RORA: variants seen among roughly 807,000 people sequenced by gnomAD.
The protein encoded by RORA is nuclear receptor ROR-alpha.
In RORA, 7 loss-of-function variants were observed where a neutral mutation model predicts 69.5. That is an observed-to-expected ratio of 0.10 (90% CI 0.06 to 0.19). The LOEUF is 0.19. Ranked by LOEUF, RORA falls within the 10% of genes least tolerant of loss-of-function variation. RORA has a pLI of 1.00. For synonymous variants in RORA, 261 were observed against 240.8 expected, an observed-to-expected ratio of 1.08 and a Z score of -0.78; for missense variants, 457 against 663.0, an observed-to-expected ratio of 0.69 and a Z score of 3.41.
intron 1 of RORA, among the ~76,000 whole-genome samples, chr15:60,866,165 T>C (rs1173317038): frequency 6.6e-6 from 1 of 152,184 alleles, no homozygotes; most frequent in African/African-American, 2.4e-5. Context: ...TCTAACTGTA[T>C]TTTTGTACCC....
intron 1 of RORA, among the ~76,000 whole-genome samples, chr15:61,009,775 T>C (rs1178670991): frequency 6.6e-6 from 1 of 152,198 alleles, no homozygotes; most frequent in Non-Finnish European, 1.5e-5. Context: ...CCTGGGCAAT[T>C]GACACATAAA....
rs537312295 is a variant in RORA, at chr15:60,557,963, G to C, written c.197-26112C>G. The C allele has an allele frequency of 3.6e-4, 104 of 288,294 alleles. 3 individuals are homozygous for C. In the South Asian group the frequency reaches 8.6e-3, roughly 24 times the overall value. The allele number at this position is 288,294 out of a possible 1,614,324, so 17.9% of individuals were successfully genotyped here. A position where few individuals can be genotyped will look rare whatever the true frequency, so the allele number is the denominator to read the frequency against. ...AATTTTGAATCGAATTTACTTTCTT[G>C]ATGATAAACAGTCATCAGAAATTTT... On this transcript the variant is annotated intron_variant, in intron 2 of 10. Coordinates refer to ENST00000335670, the MANE Select transcript of RORA (RefSeq NM_134261.3).
At chr15:60,792,965 C>A (rs767466562) in intron 1 of RORA, among the ~76,000 whole-genome samples, 2 of 151,926 alleles carry the variant, frequency 1.3e-5, no homozygotes, top group Non-Finnish European at 2.9e-5. Flanking sequence ...CACAAAACCC[C>A]TAAATTCTAC....
intron 1 of RORA, among the ~76,000 whole-genome samples, chr15:60,881,903 A>G (rs960797361): frequency 1.2e-4 from 19 of 152,262 alleles, no homozygotes; most frequent in African/African-American, 2.7e-4. Context: ...AACCCATTCA[A>G]TAATTCATCA....
intron 1 of RORA, among the ~76,000 whole-genome samples, chr15:60,906,661 A>G (rs1378669749): frequency 6.6e-6 from 1 of 152,234 alleles, no homozygotes; most frequent in African/African-American, 2.4e-5. Flanking sequence ...AAGGAATTTT[A>G]GGAAGCCAAT....
intron 1 of RORA, among the ~76,000 whole-genome samples, chr15:61,029,047 G>A (rs1373643264): frequency 6.6e-6 from 1 of 151,982 alleles, no homozygotes; most frequent in Non-Finnish European, 1.5e-5. Context: ...AGTACTGATG[G>A]TCTGAAGTAA....
rs142568347 is a variant in RORA, at chr15:60,933,374, C to T, written c.167-254688G>A. ...TACTGTGCATTTCCCATTCCCTGTGCCCTTGCAGTGCCCTTTTCTTGAGAT... is the reference window on the plus strand; with the variant it reads ...TACTGTGCATTTCCCATTCCCTGTGTCCTTGCAGTGCCCTTTTCTTGAGAT... On this transcript the variant is annotated intron_variant, in intron 1 of 10. Transcript: ENST00000335670. 2.6e-4 allele frequency among the ~76,000 whole-genome samples: 40 copies of T among 152,338 alleles called. No individual in the cohort carries two copies. The East Asian group carries it at 6.0e-3, about 23-fold the overall frequency.
chr15:60,833,938 C>A (rs1433574329), intron 1 of RORA, among the ~76,000 whole-genome samples: 2 of 152,148 alleles, frequency 1.3e-5, no homozygotes, highest in Non-Finnish European at 2.9e-5. Flanking sequence ...GTTGTGAGAA[C>A]TGGACACTAT....
At chr15:60,521,746 T>G (rs1335736472) in intron 3 of RORA, among the ~76,000 whole-genome samples, 1 of 152,226 alleles carries the variant, frequency 6.6e-6, no homozygotes, top group East Asian at 1.9e-4. Flanking sequence ...CTTACTTATA[T>G]GTATCTTCTT....
chr15:60,627,661 A>T, intron 2 of RORA: 3 of 409,652 alleles, frequency 7.3e-6, no homozygotes, highest in Non-Finnish European at 9.9e-6. Context: ...AATACCAAAT[A>T]GTTTGAAAAA....
At chr15:60,670,494 G>A (rs964240047) in intron 2 of RORA, among the ~76,000 whole-genome samples, 1 of 152,128 alleles carries the variant, frequency 6.6e-6, no homozygotes, top group South Asian at 2.1e-4. Context: ...ACAAGCGTGA[G>A]CCACCATGCC....
At chr15:60,620,410 A>T (rs911331479) in intron 2 of RORA, among the ~76,000 whole-genome samples, 5 of 152,244 alleles carry the variant, frequency 3.3e-5, no homozygotes, top group African/African-American at 1.2e-4. Context: ...CATGAGGATC[A>T]AATGAGTTCT....
At chr15:61,153,177 G>A (rs537779585) in intron 1 of RORA, among the ~76,000 whole-genome samples, 6 of 152,294 alleles carry the variant, frequency 3.9e-5, no homozygotes, top group South Asian at 4.1e-4. Context: ...AGAGGATTCC[G>A]GAAAGGCAGG....
intron 1 of RORA, among the ~76,000 whole-genome samples, chr15:61,064,068 G>C (rs894387725): frequency 6.6e-6 from 1 of 152,194 alleles, no homozygotes; most frequent in African/African-American, 2.4e-5. Context: ...AGTCAACCTC[G>C]AGGGCAGCTG....
intron 1 of RORA, among the ~76,000 whole-genome samples, chr15:60,977,361 A>C (rs1381615374): frequency 3.3e-5 from 5 of 152,190 alleles, no homozygotes; most frequent in Non-Finnish European, 7.3e-5. Context: ...CTGTTTAAAA[A>C]TAAAATGTTA....
chr15:60,581,337 G>A (rs758378817), intron 2 of RORA, among the ~76,000 whole-genome samples: 1 of 152,156 alleles, frequency 6.6e-6, no homozygotes, highest in Non-Finnish European at 1.5e-5. Flanking sequence ...GAAACAAAAT[G>A]CTTCTGTTTT....
intron 1 of RORA, among the ~76,000 whole-genome samples, chr15:61,105,109 G>A (rs937567513): frequency 6.6e-6 from 1 of 151,422 alleles, no homozygotes; most frequent in Admixed American, 6.6e-5. Context: ...GACTAATACA[G>A]CTAGTTAACC....
intron 1 of RORA, among the ~76,000 whole-genome samples, chr15:60,790,682 C>A (rs899905579): frequency 7.2e-5 from 11 of 152,226 alleles, no homozygotes; most frequent in Non-Finnish European, 1.2e-4. Context: ...TGAAGACCTT[C>A]TCCTACCACA....
intron 1 of RORA, among the ~76,000 whole-genome samples, chr15:61,102,539 T>G (rs2078894578): frequency 6.6e-6 from 1 of 152,174 alleles, no homozygotes; most frequent in Non-Finnish European, 1.5e-5. Context: ...TAAAACATCC[T>G]TTGATATCCA....
Sources: allele counts gnomAD v4.1 joint callset (sites outside exome capture counted in the v4.1 genomes callset), GRCh38; gene constraint gnomAD v4.1.1; transcripts MANE v1.5; gene names NCBI Gene and HGNC (gene_info 2026-07-23, HGNC 2026-07-21).